The following SLC25A30 variants were observed in gnomAD, a reference collection of about 807,000 sequenced individuals.
The protein encoded by SLC25A30 is kidney mitochondrial carrier protein 1.
SLC25A30 carries 29 observed loss-of-function variants against 42.7 expected under a neutral mutation model. The ratio of observed to expected loss-of-function variants is 0.68; its 90% CI spans 0.51 to 0.93. SLC25A30 has a LOEUF of 0.93. SLC25A30 is among the 40% of genes least tolerant of loss of function. The probability of loss-of-function intolerance (pLI) is 0.00; values close to 1 mark genes in which losing one functional copy is unlikely to be tolerated. For synonymous variants in SLC25A30, 124 were observed against 131.0 expected (o/e 0.95, Z 0.37); for missense variants, 300 against 359.7 (o/e 0.83, Z 1.34).
At chr13:45,402,399 G>A (rs1235344105) in intron 5 of SLC25A30, 29 bp from the exon 6 acceptor site, 2 of 1,572,100 alleles carry the variant, frequency 1.3e-6, no homozygotes, top group Non-Finnish European at 1.8e-6. Context: ...ACCAACATCA[G>A]AAAGAAACTA....
At chr13:45,420,071 A>G (rs1883848838), upstream of SLC25A30, among the ~76,000 whole-genome samples, 1 of 152,196 alleles carries the variant, frequency 6.6e-6, no homozygotes. Flanking sequence ...TAAAACTTGC[A>G]TCTGTTGATG....
At chr13:45,425,812 C>T in the SLC25A30 span, among the ~76,000 whole-genome samples, 1 of 146,110 alleles carries the variant, frequency 6.8e-6, no homozygotes, top group African/African-American at 2.5e-5. Context: ...TGTGCCTCAG[C>T]CTCCAGAGTA....
At chr13:45,427,738 TTTTTC>T in the SLC25A30 span, among the ~76,000 whole-genome samples, 4 of 148,564 alleles carry the variant, frequency 2.7e-5, no homozygotes, top group East Asian at 2.0e-4. Flanking sequence ...CCCCCTACAA[TTTTTC>T]TTTTCTTTTC....
chr13:45,398,093 T>G, intron 8 of SLC25A30: 1 of 983,754 alleles, frequency 1.0e-6, no homozygotes, highest in Non-Finnish European at 1.2e-6. Context: ...TAGTGTCATG[T>G]TGGAAAACAG....
At chr13:45,424,827 A>AAATATATAC in the SLC25A30 span, among the ~76,000 whole-genome samples, 1 of 54,882 alleles carries the variant, frequency 1.8e-5, no homozygotes, top group East Asian at 4.6e-4. Flanking sequence ...AATATATAAA[A>AAATATATAC]ATATATATAT....
chr13:45,396,815 C>T (rs1881381477), intron 9 of SLC25A30: 1 of 161,606 alleles, frequency 6.2e-6, no homozygotes, highest in African/African-American at 2.4e-5. Context: ...TCCTGCCTCC[C>T]ACTGTGGCAC....
In SLC25A30 at chr13:45,408,944, C is replaced by T. The variant is rs1882761253; in HGVS notation, c.195G>A (p.Leu65=). 2 of 1,609,986 alleles carry T rather than the reference C, an allele frequency of 1.2e-6. No individual in the cohort carries two copies. The highest frequency in any genetic ancestry group is 1.7e-4 in the Middle Eastern group (1 of 6,058). Residue 65 remains leucine (L), a synonymous_variant, in exon 3 of 10, where the codon CTG becomes CTA. Transcript: ENST00000519676. ...ALVRIGREEG[L]KALYSGIAPA... is the part of the protein sequence containing the mutation. Reference sequence around the variant, plus strand: ...CTACTCACCCCGAGTAGAGTGCTTTCAGCCCTTCTTCTCTGCCTATCCTCA... The same window carrying T: ...CTACTCACCCCGAGTAGAGTGCTTTTAGCCCTTCTTCTCTGCCTATCCTCA...
the SLC25A30 span, among the ~76,000 whole-genome samples, chr13:45,423,588 T>TATAA: frequency 7.0e-4 from 39 of 55,400 alleles, no homozygotes; most frequent in African/African-American, 1.9e-3. Context: ...AAAATATATA[T>TATAA]AAATATATAT....
intron 4 of SLC25A30, 57 bp from the exon 5 acceptor site, chr13:45,404,469 A>G: frequency 1.6e-6 from 2 of 1,231,734 alleles, no homozygotes; most frequent in South Asian, 2.4e-5. Flanking sequence ...CCCGTGAGAA[A>G]CTCAACTATA....
At chr13:45,413,478 G>A (rs1040752209) in intron 1 of SLC25A30, among the ~76,000 whole-genome samples, 2 of 151,770 alleles carry the variant, frequency 1.3e-5, no homozygotes, top group African/African-American at 2.4e-5. Flanking sequence ...GTAGTGGCAC[G>A]CATCTGTAGT....
At chr13:45,430,747 C>T in the SLC25A30 span, among the ~76,000 whole-genome samples, 1 of 152,146 alleles carries the variant, frequency 6.6e-6, no homozygotes, top group Non-Finnish European at 1.5e-5. Flanking sequence ...GTAGAGGTTG[C>T]AGTGAGCCCA....
At chr13:45,398,888 A>G in intron 8 of SLC25A30, 52 bp downstream of exon 8, 1 of 1,578,860 alleles carries the variant, frequency 6.3e-7, no homozygotes, top group Non-Finnish European at 8.6e-7. Context: ...TACTTCTTAG[A>G]TCAAAAAAAT....
At chr13:45,424,852 AT>A in the SLC25A30 span, among the ~76,000 whole-genome samples, 2 of 43,950 alleles carry the variant, frequency 4.6e-5, no homozygotes, top group African/African-American at 2.6e-4. Flanking sequence ...ATATATATAA[AT>A]ATATATATAA....
In SLC25A30 at chr13:45,404,382, CCACATAT is replaced by C. The variant is rs756861304; in HGVS notation, c.331_337del (p.Ile111GlufsTer18). On this transcript the variant is annotated frameshift_variant, in exon 5 of 10. Transcript: ENST00000519676. LOFTEE classifies it high-confidence loss of function. ...TGAAGATATGACTCCAGACAGAATT[CCACATAT>C]CACATTTATCGGTAGAGTTTCATCT... 9.3e-6 allele frequency: 15 copies of C among 1,613,236 alleles called. No individual in the cohort carries two copies. In the Admixed American group the frequency reaches 2.5e-4, roughly 27 times the overall value.
the SLC25A30 span, among the ~76,000 whole-genome samples, chr13:45,426,969 C>T: frequency 5.3e-5 from 8 of 152,070 alleles, no homozygotes; most frequent in Admixed American, 1.3e-4. Context: ...TTTAGCTCGT[C>T]GTTTCTATAT....
At chr13:45,423,645 A>G in the SLC25A30 span, among the ~76,000 whole-genome samples, 6 of 71,592 alleles carry the variant, frequency 8.4e-5, no homozygotes, top group Non-Finnish European at 1.4e-4. Context: ...TATATAAAAT[A>G]CATATTTATA....
rs1881295272 is a variant in SLC25A30 at position 45,396,128 on chromosome 13, G to A, written c.835-113C>T. ...AACAAATAGGTACAGGCAGACCCAC[G>A]CTATGGACACGATTAAATAAAAGGG... On this transcript the variant is annotated intron_variant, in intron 9 of 9. Coordinates refer to ENST00000519676, the MANE Select transcript of SLC25A30 (RefSeq NM_001010875.4). 9.4e-6 allele frequency: 15 copies of A among 1,603,038 alleles called. No homozygotes were observed. In the Admixed American group the frequency reaches 1.0e-4, roughly 11 times the overall value.
chr13:45,408,875 AC>A, intron 3 of SLC25A30, 51 bp downstream of exon 3: 1 of 1,542,256 alleles, frequency 6.5e-7, no homozygotes, highest in Non-Finnish European at 8.8e-7. Context: ...TGAAGTCTAT[AC>A]CCATGTGAAA....
intron 5 of SLC25A30, 116 bp from the exon 6 acceptor site, chr13:45,402,486 G>GA: frequency 1.2e-6 from 1 of 818,548 alleles, no homozygotes; most frequent in Middle Eastern, 2.3e-4. Flanking sequence ...CATTAGCAAG[G>GA]AAAAAACTGT....
Sources: gnomAD v4.1 joint callset for allele counts (sites outside exome capture counted in the v4.1 genomes callset) on GRCh38, gnomAD v4.1.1 for gene constraint, MANE v1.5 for transcripts, NCBI Gene and HGNC (gene_info 2026-07-23, HGNC 2026-07-21) for gene names.